Variants in ERGIC2 observed in about 807,000 individuals in gnomAD.
ERGIC2 encodes the protein endoplasmic reticulum-Golgi intermediate compartment protein 2.
In ERGIC2, 31 loss-of-function variants were observed where a neutral mutation model predicts 52.5. The observed-to-expected ratio is 0.59, with a 90% CI of 0.44 to 0.80. The LOEUF (loss-of-function observed/expected upper bound fraction) is 0.80, where lower values mean the gene tolerates loss of function less well. Ranked by LOEUF, ERGIC2 falls within the 30% of genes least tolerant of loss-of-function variation. ERGIC2 has a pLI of 0.00. For synonymous variants in ERGIC2, 129 were observed against 140.6 expected, an observed-to-expected ratio of 0.92 and a Z score of 0.58; for missense variants, 395 against 455.2, an observed-to-expected ratio of 0.87 and a Z score of 1.20.
intron 8 of ERGIC2, among the ~76,000 whole-genome samples, chr12:29,355,752 T>C (rs1591991880): frequency 6.6e-6 from 1 of 152,212 alleles, no homozygotes; most frequent in Non-Finnish European, 1.5e-5. Flanking sequence ...AATGAACAAA[T>C]TAATGAAATG....
intron 12 of ERGIC2, among the ~76,000 whole-genome samples, chr12:29,342,077 A>G (rs1041986885): frequency 6.6e-6 from 1 of 152,038 alleles, no homozygotes; most frequent in Non-Finnish European, 1.5e-5. Flanking sequence ...CAGTGGTGCA[A>G]TCTTGGCTCA....
intron 8 of ERGIC2, among the ~76,000 whole-genome samples, chr12:29,355,703 C>G (rs1386623902): frequency 6.6e-6 from 1 of 151,852 alleles, no homozygotes; most frequent in African/African-American, 2.4e-5. Flanking sequence ...TGAGGACCAC[C>G]AAAACATTAA....
intron 5 of ERGIC2, among the ~76,000 whole-genome samples, chr12:29,363,794 A>G (rs893534846): frequency 6.6e-6 from 1 of 150,638 alleles, no homozygotes; most frequent in Admixed American, 6.7e-5. Context: ...TAAGAGATGT[A>G]GGGGGAAAAA....
rs1371834224 is a variant in ERGIC2 at position 29,339,529 on chromosome 12, G to A, written c.*1627C>T. On this transcript the variant is annotated 3_prime_UTR_variant, in exon 14 of 14. Transcript: ENST00000360150. ...TTTGAAGAAAAAAAATTAAAACCTA[G>A]AGAAGGCTCATTCACGATTCAGAAT... 1 of 152,084 alleles carries A rather than the reference G, an allele frequency of 6.6e-6. No individual in the cohort carries two copies. Among genetic ancestry groups the A allele is most frequent in the Non-Finnish European group, 1.5e-5 (1 of 67,990 alleles). 9.4% of individuals were successfully genotyped at this position (152,084 alleles called of 1,614,324 possible). A position where few individuals can be genotyped will look rare whatever the true frequency, so the allele number is the denominator to read the frequency against.
At chr12:29,352,869 T>G (rs1315765010) in intron 8 of ERGIC2, among the ~76,000 whole-genome samples, 1 of 152,082 alleles carries the variant, frequency 6.6e-6, no homozygotes, top group Admixed American at 6.6e-5. Flanking sequence ...ATAAGTACTA[T>G]CCTTCCCTGT....
At chr12:29,353,418 G>A (rs1444245810) in intron 8 of ERGIC2, among the ~76,000 whole-genome samples, 1 of 152,080 alleles carries the variant, frequency 6.6e-6, no homozygotes, top group Non-Finnish European at 1.5e-5. Flanking sequence ...AATACTACAC[G>A]TTGAATATCC....
intron 5 of ERGIC2, among the ~76,000 whole-genome samples, chr12:29,362,191 G>A (rs926964648): frequency 6.6e-6 from 1 of 152,180 alleles, no homozygotes; most frequent in Non-Finnish European, 1.5e-5. Context: ...ATCTAGGCAT[G>A]ATCAAAGTTA....
chr12:29,372,882 C>T (rs1398244167), intron 1 of ERGIC2: 1 of 152,044 alleles, frequency 6.6e-6, no homozygotes, highest in Non-Finnish European at 1.5e-5. Context: ...GTCTCAAACT[C>T]CTGGGCTGAA....
chr12:29,366,816 G>GT, intron 5 of ERGIC2, 61 bp downstream of exon 5: 1 of 962,096 alleles, frequency 1.0e-6, no homozygotes, highest in Non-Finnish European at 1.6e-6. Flanking sequence ...GCAACTATCT[G>GT]TCTTCAAGCG....
At chr12:29,357,364 C>A (rs1039959564) in intron 7 of ERGIC2, among the ~76,000 whole-genome samples, 2 of 152,096 alleles carry the variant, frequency 1.3e-5, no homozygotes, top group African/African-American at 4.8e-5. Flanking sequence ...ACTAATTTTT[C>A]TTAAAACTCA....
intron 10 of ERGIC2, among the ~76,000 whole-genome samples, chr12:29,347,938 G>A (rs572971720): frequency 3.4e-4 from 52 of 152,142 alleles, no homozygotes; most frequent in Non-Finnish European, 6.6e-4. Context: ...ATATTTAGAA[G>A]AGCTTCTGTG....
In ERGIC2 at chr12:29,366,874, T is replaced by C; in HGVS notation, c.333+3A>G. The C allele has an allele frequency of 1.3e-6, 2 of 1,589,276 alleles. No individual in the cohort carries two copies. Among genetic ancestry groups the C allele is most frequent in the Non-Finnish European group, 8.6e-7 (1 of 1,162,368 alleles). On this transcript the variant is annotated splice_donor_region_variant and intron_variant, in intron 5 of 13. Transcript: ENST00000360150. ...TTCAAAAAACCATGTGAATCAAACT[T>C]ACTGGTTCATAAACTAAACCATCTG...
intron 9 of ERGIC2, 152 bp downstream of exon 9, chr12:29,349,861 C>G: frequency 1.8e-6 from 1 of 546,648 alleles, no homozygotes. Context: ...AATACAAATG[C>G]AGATTAAAGT....
intron 2 of ERGIC2, among the ~76,000 whole-genome samples, chr12:29,370,644 TTGTATATAAA>T (rs1238093024): frequency 7.2e-5 from 11 of 151,888 alleles, no homozygotes; most frequent in Non-Finnish European, 1.5e-4. Flanking sequence ...TAAATATAAT[TTGTATATAAA>T]TGTATATAAA....
At position 29,337,721 on chromosome 12, in the gene ERGIC2, C is replaced by G. The variant is rs752157250; in HGVS notation, c.*3435G>C. 4.6e-5 allele frequency: 7 copies of G among 152,136 alleles called. No homozygotes were observed. The highest frequency in any genetic ancestry group is 1.0e-4 in the Non-Finnish European group (7 of 68,024). The allele number at this position is 152,136 out of a possible 1,614,324, so 9.4% of individuals were successfully genotyped here. A position where few individuals can be genotyped will look rare whatever the true frequency, so the allele number is the denominator to read the frequency against. ...CTGAGATTTTAAAGGTCCTAAAGCTCAGGTTTAAGTAACTTTTAAACAATC... is the reference window on the plus strand; with the variant it reads ...CTGAGATTTTAAAGGTCCTAAAGCTGAGGTTTAAGTAACTTTTAAACAATC... On this transcript the variant is annotated 3_prime_UTR_variant, in exon 14 of 14. Transcript: ENST00000360150.
chr12:29,364,351 T>C (rs1940328702), intron 5 of ERGIC2, among the ~76,000 whole-genome samples: 1 of 152,060 alleles, frequency 6.6e-6, no homozygotes, highest in South Asian at 2.1e-4. Flanking sequence ...AAATAAGCAA[T>C]GGAGAAAGGA....
intron 8 of ERGIC2, among the ~76,000 whole-genome samples, chr12:29,355,078 A>G (rs1173329902): frequency 6.6e-6 from 1 of 152,194 alleles, no homozygotes; most frequent in Non-Finnish European, 1.5e-5. Context: ...ACTTCCAGCC[A>G]TGCTCTTTCC....
In ERGIC2 at chr12:29,341,147, C is replaced by T. The variant is rs768448921; in HGVS notation, c.*9G>A. 6 of 1,599,142 alleles carry T rather than the reference C, an allele frequency of 3.8e-6. No homozygotes were observed. The highest frequency in any genetic ancestry group is 3.4e-5 in the South Asian group (3 of 89,324). ...AGGCAAAAAGTTTTTCTCCTTCAAT[C>T]GGGAGGTGTTAATGTGTATTATTTT... On this transcript the variant is annotated 3_prime_UTR_variant, in exon 14 of 14. Transcript: ENST00000360150.
chr12:29,359,321 C>A (rs1940251588), intron 6 of ERGIC2, among the ~76,000 whole-genome samples: 1 of 151,722 alleles, frequency 6.6e-6, no homozygotes, highest in Admixed American at 6.6e-5. Context: ...TTCGAGAGAT[C>A]AACTTTTGAA....
Sources: allele counts gnomAD v4.1 joint callset (sites outside exome capture counted in the v4.1 genomes callset), GRCh38; gene constraint gnomAD v4.1.1; transcripts MANE v1.5; gene names NCBI Gene and HGNC (gene_info 2026-07-23, HGNC 2026-07-21).